SLC27A3: variants seen among roughly 807,000 people sequenced by gnomAD.
The protein encoded by SLC27A3 is long-chain fatty acid transport protein 3.
In SLC27A3, 60 loss-of-function variants were observed where a neutral mutation model predicts 60.1. That is an observed-to-expected ratio of 1.00 (90% CI 0.81 to 1.24). The LOEUF is 1.24. SLC27A3 is among the 50% of genes most tolerant of loss of function. The pLI, the probability that SLC27A3 is intolerant of heterozygous loss-of-function variation, is 0.00. For synonymous variants in SLC27A3, 455 were observed against 409.0 expected, an observed-to-expected ratio of 1.11 and a Z score of -1.36; for missense variants, 1,079 against 929.9, an observed-to-expected ratio of 1.16 and a Z score of -2.09.
Position 153,778,514 on chromosome 1 carries a change from A to G in SLC27A3, c.1408A>G (p.Ile470Val). 1.9e-6 allele frequency: 3 copies of G among 1,614,122 alleles called. No individual in the cohort carries two copies. Among genetic ancestry groups the G allele is most frequent in the Non-Finnish European group, 1.7e-6 (2 of 1,180,036 alleles). The change falls in exon 6 of 10, where the codon ATT (isoleucine) becomes GTT (valine). Residue 470 changes from isoleucine to valine, a missense_variant. Coordinates refer to ENST00000624995, the MANE Select transcript of SLC27A3 (RefSeq NM_024330.4). ...IRYDVTTGEP[I>V]RDPQGHCMAT... The stretch of plus-strand genomic sequence containing the variant: ...CTATGATGTCACCACAGGAGAGCCA[A>G]TTCGGGACCCCCAGGGGCACTGTAT...
chr1:153,779,362 A>G lies in SLC27A3; in HGVS notation c.1764A>G (p.Gly588=). The part of the protein sequence containing the change: ...VTVPGHEGRA[G]MAALVLRPPH... Reference sequence around the variant, plus strand: ...CACCAGGGCATGAAGGCAGGGCTGGAATGGCAGCCCTAGTTCTGCGTCCCC... The same window carrying G: ...CACCAGGGCATGAAGGCAGGGCTGGGATGGCAGCCCTAGTTCTGCGTCCCC... The change falls in exon 9 of 10, where the codon GGA becomes GGG. Residue 588 remains glycine, a synonymous_variant. Transcript: ENST00000624995. 6.2e-7 allele frequency: 1 copy of G among 1,613,976 alleles called. No homozygotes were observed. The highest frequency in any genetic ancestry group is 8.5e-7 in the Non-Finnish European group (1 of 1,179,944).
At chr1:153,777,441 C>G (rs1673287813) in intron 3 of SLC27A3, 1 of 638,136 alleles carries the variant, frequency 1.6e-6, no homozygotes, top group East Asian at 2.7e-5. Flanking sequence ...GCTGCAGGGT[C>G]AAAGGCAGGG....
rs1456131116 is a variant in SLC27A3, at chr1:153,780,006, C to T, written c.*4C>T. ...GGCAGGAAACCTTCGAATCTGAGAACTTCCACACCTGAGGCACCTGAGAGA... is the reference window on the plus strand; with the variant it reads ...GGCAGGAAACCTTCGAATCTGAGAATTTCCACACCTGAGGCACCTGAGAGA... On this transcript the variant is annotated 3_prime_UTR_variant, in exon 10 of 10. Coordinates refer to ENST00000624995, the MANE Select transcript of SLC27A3 (RefSeq NM_024330.4). 1.4e-5 allele frequency: 22 copies of T among 1,608,782 alleles called. No homozygotes were observed. Among genetic ancestry groups the T allele is most frequent in the Non-Finnish European group, 1.8e-5 (21 of 1,177,302 alleles).
Position 153,776,452 on chromosome 1 carries a change from G to A in SLC27A3, c.668-66G>A, listed in dbSNP as rs928255328. On this transcript the variant is annotated intron_variant, in intron 1 of 9. Transcript: ENST00000624995. ...GCAGTGTGGGCTGGGATAGGGAGGG[G>A]ACATGGGTCATAGGCTCTTCTAGGT... 34 of 1,452,940 alleles carry A rather than the reference G, an allele frequency of 2.3e-5. No homozygotes were observed. In the African/African-American group the frequency reaches 3.9e-4, roughly 17 times the overall value. 90.0% of individuals were successfully genotyped at this position (1,452,940 alleles called of 1,614,324 possible). A position where few individuals can be genotyped will look rare whatever the true frequency, so the allele number is the denominator to read the frequency against.
rs778617615 is a variant in SLC27A3 at position 153,775,578 on chromosome 1, C to A, written c.81C>A (p.Arg27=). 1 of 1,608,352 alleles carries A rather than the reference C, an allele frequency of 6.2e-7. No individual in the cohort carries two copies. The highest frequency in any genetic ancestry group is 1.1e-5 in the South Asian group (1 of 90,922). ...LLKLHLWPQL[R]WLPADLAFAV... ...AGCTACACCTCTGGCCGCAGTTGCG[C>A]TGGCTTCCGGCGGACTTGGCCTTTG... Residue 27 remains arginine, a synonymous_variant, in exon 1 of 10, where the codon CGC becomes CGA. Transcript: ENST00000624995.
At chr1:153,777,721 A>C in intron 3 of SLC27A3, 40 bp from the exon 4 acceptor site, 1 of 1,599,792 alleles carries the variant, frequency 6.3e-7, no homozygotes, top group African/African-American at 1.4e-5. Context: ...CTCTGCTCCT[A>C]ATCTTACCTC....
Position 153,777,138 on chromosome 1 carries a change from C to T in SLC27A3, c.954C>T (p.His318=). ...CQGFYQLCGV[H]QEDVIYLALP... is the part of the protein sequence containing the mutation. ...GCTTCTATCAGCTGTGTGGTGTCCA[C>T]CAGGAAGATGTGATCTACCTCGCCC... is the stretch of plus-strand genomic sequence containing the variant. The change falls in exon 3 of 10, where the codon CAC becomes CAT. Residue 318 remains histidine (H), a synonymous_variant. Transcript: ENST00000624995. 1 of 1,614,248 alleles carries T rather than the reference C, an allele frequency of 6.2e-7. No individual in the cohort carries two copies. The highest frequency in any genetic ancestry group is 8.5e-7 in the Non-Finnish European group (1 of 1,180,044).
chr1:153,777,902 C>T lies in SLC27A3; in HGVS notation c.1161+17C>T, dbSNP rs550335981. 6.2e-7 allele frequency: 1 copy of T among 1,614,116 alleles called. No homozygotes were observed. Among genetic ancestry groups the T allele is most frequent in the African/African-American group, 1.3e-5 (1 of 75,074 alleles). On this transcript the variant is annotated intron_variant, in intron 4 of 9. Transcript: ENST00000624995. ...CAGCCCCCGGTGCGTGGGCACAGAT[C>T]CTGGGCAGAGCTGCTGACACAGGGC...
intron 9 of SLC27A3, 152 bp from the exon 10 acceptor site, chr1:153,779,674 T>C (rs1673439107): frequency 1.1e-6 from 1 of 897,584 alleles, no homozygotes; most frequent in Non-Finnish European, 1.7e-6. Context: ...TCTTCTGGCC[T>C]GGCTCTTTCT....
At chr1:153,777,037 T>C in intron 2 of SLC27A3, 25 bp from the exon 3 acceptor site, 1 of 1,612,964 alleles carries the variant, frequency 6.2e-7, no homozygotes, top group Admixed American at 1.7e-5. Context: ...CTTCCCCTGA[T>C]CGTCCCATAA....
chr1:153,776,148 G>A lies in SLC27A3; in HGVS notation c.651G>A (p.Ala217=). 7.0e-7 allele frequency: 1 copy of A among 1,421,698 alleles called. No individual in the cohort carries two copies. The highest frequency in any genetic ancestry group is 1.5e-5 in the South Asian group (1 of 65,926). 88.1% of individuals were successfully genotyped at this position (1,421,698 alleles called of 1,614,324 possible). A position where few individuals can be genotyped will look rare whatever the true frequency, so the allele number is the denominator to read the frequency against. The change falls in exon 1 of 10, where the codon GCG becomes GCA. Residue 217 remains alanine, a synonymous_variant. Coordinates refer to ENST00000624995, the MANE Select transcript of SLC27A3 (RefSeq NM_024330.4). ...LHCLRSCGAR[A]LVLAPEFLES... is the part of the protein sequence containing the mutation. ...GCCTCCGCAGCTGCGGCGCGCGCGC[G>A]CTGGTGCTGGCGCCAGGTAAGGCTG...
In SLC27A3 at chr1:153,776,716, C is replaced by T; in HGVS notation, c.866C>T (p.Ser289Phe). 6.2e-7 allele frequency: 1 copy of T among 1,614,052 alleles called. No individual in the cohort carries two copies. Among genetic ancestry groups the T allele is most frequent in the East Asian group, 2.2e-5 (1 of 44,886 alleles). Residue 289 changes from serine to phenylalanine, a missense_variant, in exon 2 of 10, where the codon TCT (serine) becomes TTT (phenylalanine). Ser to Phe is a radical substitution (Grantham distance 155). Transcript: ENST00000624995. ...GACACGTGCCTGTACATCTTCACCT[C>T]TGGCACCACGGGTGAGGGCCGGGCA... ...ITDTCLYIFT[S>F]GTTGLPKAAR...
At chr1:153,779,520 C>T in intron 9 of SLC27A3, 47 bp downstream of exon 9, 2 of 1,586,440 alleles carry the variant, frequency 1.3e-6, no homozygotes, top group Non-Finnish European at 1.7e-6. Context: ...TATATCCTCA[C>T]CCCACATATC....
In SLC27A3 at chr1:153,779,932, C is replaced by A. The variant is rs1312108247; in HGVS notation, c.1982C>A (p.Ala661Asp). 1 of 1,614,182 alleles carries A rather than the reference C, an allele frequency of 6.2e-7. No individual in the cohort carries two copies. The highest frequency in any genetic ancestry group is 1.1e-5 in the South Asian group (1 of 91,072). Residue 661 changes from alanine to aspartate, a missense_variant, in exon 10 of 10, where the codon GCT becomes GAT. Transcript: ENST00000624995. Reference sequence around the variant, plus strand: ...GACCCACTGTACGTTCTGGACCAGGCTGTAGGTGCCTACCTGCCCCTCACA... The same window carrying A: ...GACCCACTGTACGTTCTGGACCAGGATGTAGGTGCCTACCTGCCCCTCACA... ...LSDPLYVLDQAVGAYLPLTTA... is the reference protein window; with the variant it reads ...LSDPLYVLDQDVGAYLPLTTA...
Position 153,776,004 on chromosome 1 carries a change from T to C in SLC27A3, c.507T>C (p.Thr169=). Reference sequence around the variant, plus strand: ...CCGCCCCTCTGTCACCTGGAGCAACTGTGGCGCTGCTCCTCCCCGCTGGCC... The same window carrying C: ...CCGCCCCTCTGTCACCTGGAGCAACCGTGGCGCTGCTCCTCCCCGCTGGCC... ...GAAAPLSPGA[T]VALLLPAGPE... Residue 169 remains threonine (T), a synonymous_variant, in exon 1 of 10, where the codon ACT becomes ACC. Coordinates refer to ENST00000624995, the MANE Select transcript of SLC27A3 (RefSeq NM_024330.4). The C allele has an allele frequency of 6.9e-7, 1 of 1,451,704 alleles. No homozygotes were observed. Among genetic ancestry groups the C allele is most frequent in the Non-Finnish European group, 9.0e-7 (1 of 1,109,256 alleles). The allele number at this position is 1,451,704 out of a possible 1,614,324, so 89.9% of individuals were successfully genotyped here. A position where few individuals can be genotyped will look rare whatever the true frequency, so the allele number is the denominator to read the frequency against.
rs779299625 is a variant in SLC27A3, at chr1:153,776,572, A to G, written c.722A>G (p.His241Arg). The G allele has an allele frequency of 6.2e-7, 1 of 1,614,116 alleles. No homozygotes were observed. The highest frequency in any genetic ancestry group is 8.5e-7 in the Non-Finnish European group (1 of 1,180,004). Reference protein sequence around the residue: ...DLPALRAMGLHLWAAGPGTHP... With the variant: ...DLPALRAMGLRLWAAGPGTHP... ...CCCGCCCTGAGAGCCATGGGGCTCC[A>G]CCTGTGGGCTGCAGGCCCAGGAACC... is the stretch of plus-strand genomic sequence containing the variant. Residue 241 changes from histidine (H) to arginine (R), a missense_variant, in exon 2 of 10, where the codon CAC (histidine) becomes CGC (arginine). Coordinates refer to ENST00000624995, the MANE Select transcript of SLC27A3 (RefSeq NM_024330.4).
chr1:153,779,590 C>T (rs1000652873), intron 9 of SLC27A3, 117 bp downstream of exon 9: 22 of 1,197,202 alleles, frequency 1.8e-5, no homozygotes, highest in South Asian at 4.3e-5. Context: ...GGACCCCCAA[C>T]GTAATACACT....
chr1:153,778,196 A>G lies in SLC27A3; in HGVS notation c.1197A>G (p.Ala399=). The G allele has an allele frequency of 6.2e-7, 1 of 1,612,538 alleles. No homozygotes were observed. Among genetic ancestry groups the G allele is most frequent in the South Asian group, 1.1e-5 (1 of 91,074 alleles). ...KAERGHKVRL[A]VGSGLRPDTW... ...AACGTGGCCATAAGGTCCGGCTGGC[A>G]GTGGGCAGCGGGCTGCGCCCAGATA... Residue 399 remains alanine, a synonymous_variant, in exon 5 of 10, where the codon GCA becomes GCG. Transcript: ENST00000624995.
At position 153,779,169 on chromosome 1, in the gene SLC27A3, G is replaced by A. The variant is rs1673393995; in HGVS notation, c.1702G>A (p.Asp568Asn). 6.2e-7 allele frequency: 1 copy of A among 1,614,076 alleles called. No homozygotes were observed. Among genetic ancestry groups the A allele is most frequent in the Non-Finnish European group, 8.5e-7 (1 of 1,180,040 alleles). Residue 568 changes from aspartate (D) to asparagine (N), a missense_variant, in exon 8 of 10, where the codon GAT becomes AAT. Coordinates refer to ENST00000624995, the MANE Select transcript of SLC27A3 (RefSeq NM_024330.4). ...GGTGGCAGAGGTCTTCGAGGCCCTA[G>A]ATTTTCTTCAGGAGGTGAACGTCTA... ...TEVAEVFEAL[D>N]FLQEVNVYGV...
Sources: allele counts gnomAD v4.1 joint callset, GRCh38; gene constraint gnomAD v4.1.1; transcripts MANE v1.5; gene names NCBI Gene and HGNC (gene_info 2026-07-23, HGNC 2026-07-21).